The following SLC35F1 variants were observed in gnomAD, a reference collection of about 807,000 sequenced individuals.
SLC35F1 encodes chromosome 6 open reading frame 169.
Under a neutral mutation model 48.7 loss-of-function variants are expected in SLC35F1, and 14 were observed. That is an observed-to-expected ratio of 0.29 (90% CI 0.19 to 0.45). SLC35F1 has a LOEUF of 0.45. Among genes scored for constraint, SLC35F1 ranks in the 20% least tolerant of loss-of-function variants. The pLI is 1.00. For synonymous variants in SLC35F1, 190 were observed against 202.2 expected (o/e 0.94, Z 0.51); for missense variants, 404 against 500.0 (o/e 0.81, Z 1.83).
intron 1 of SLC35F1, among the ~76,000 whole-genome samples, chr6:117,942,730 A>T (rs141427625): frequency 6.6e-6 from 1 of 152,214 alleles, no homozygotes. Context: ...TAATTCTTCT[A>T]TCAGTGGTTA....
At chr6:117,999,900 A>G (rs955432500) in intron 1 of SLC35F1, among the ~76,000 whole-genome samples, 1 of 152,128 alleles carries the variant, frequency 6.6e-6, no homozygotes, top group Non-Finnish European at 1.5e-5. Context: ...CTAAACCAGG[A>G]AGAAGTTGAA....
chr6:118,315,844 A>AACAC lies in SLC35F1; in HGVS notation c.*1594_*1597dup, dbSNP rs1776430662. The AACAC allele has an allele frequency of 6.6e-6, 1 of 152,038 alleles. No homozygotes were observed. Among genetic ancestry groups the AACAC allele is most frequent in the Non-Finnish European group, 1.5e-5 (1 of 67,988 alleles). The allele number at this position is 152,038 out of a possible 1,614,324, so 9.4% of individuals were successfully genotyped here. A position where few individuals can be genotyped will look rare whatever the true frequency, so the allele number is the denominator to read the frequency against. On this transcript the variant is annotated 3_prime_UTR_variant, in exon 8 of 8. Coordinates refer to ENST00000360388, the MANE Select transcript of SLC35F1 (RefSeq NM_001029858.4). Reference sequence around the variant, plus strand: ...TGCCCTTAAAATAGCCCTTTTTTCAAACACAGGAAATTAAGAAACACCACA... The same window carrying AACAC: ...TGCCCTTAAAATAGCCCTTTTTTCAAACACACACAGGAAATTAAGAAACACCACA...
chr6:118,149,106 C>A (rs143502208), intron 1 of SLC35F1, among the ~76,000 whole-genome samples: 1 of 152,306 alleles, frequency 6.6e-6, no homozygotes, highest in South Asian at 2.1e-4. Flanking sequence ...ACATTCCCTT[C>A]TTTTCAGGAG....
At chr6:117,962,353 G>A (rs537303114) in intron 1 of SLC35F1, among the ~76,000 whole-genome samples, 19 of 152,310 alleles carry the variant, frequency 1.2e-4, no homozygotes, top group African/African-American at 4.3e-4. Context: ...GCAAGGCAGT[G>A]AGAATTATTT....
intron 1 of SLC35F1, among the ~76,000 whole-genome samples, chr6:117,990,164 AG>A (rs1776898715): frequency 6.6e-6 from 1 of 152,174 alleles, no homozygotes; most frequent in African/African-American, 2.4e-5. Context: ...AAAATATTAA[AG>A]GCATCAGGTG....
At chr6:118,121,256 T>C (rs767641671) in intron 1 of SLC35F1, among the ~76,000 whole-genome samples, 6 of 152,224 alleles carry the variant, frequency 3.9e-5, no homozygotes, top group Non-Finnish European at 5.9e-5. Context: ...TTAGAATCTG[T>C]GGTACTACTC....
At chr6:118,000,291 C>T (rs36172496) in intron 1 of SLC35F1, among the ~76,000 whole-genome samples, 47,427 of 151,844 alleles carry the variant, frequency 0.31, 7,548 homozygotes, top group Admixed American at 0.39. Flanking sequence ...AAGGCTGGTT[C>T]AATATATGCA....
At position 118,039,803 on chromosome 6, in the gene SLC35F1, T is replaced by TTTTG. The variant is rs1187494477; in HGVS notation, c.174-114639_174-114638insGTTT. The stretch of plus-strand genomic sequence containing the variant: ...ACATCTAAGCATCTCAGGATTGTTT[T>TTTTG]TTTTGTTTTTTTTTTTTGCTTCAGA... On this transcript the variant is annotated intron_variant, in intron 1 of 7. Transcript: ENST00000360388. Among the ~76,000 whole-genome samples the TTTTG allele has an allele frequency of 3.8e-4, 56 of 145,980 alleles. 2 individuals are homozygous for TTTTG. The highest frequency in any genetic ancestry group is 6.5e-4 in the Non-Finnish European group (43 of 65,722).
chr6:118,219,368 A>G (rs907384820), intron 2 of SLC35F1, among the ~76,000 whole-genome samples: 1 of 152,186 alleles, frequency 6.6e-6, no homozygotes, highest in African/African-American at 2.4e-5. Flanking sequence ...TTAAGTTACT[A>G]CTACCCAGAA....
chr6:118,309,734 A>T (rs1192937386), intron 7 of SLC35F1, among the ~76,000 whole-genome samples: 2 of 152,234 alleles, frequency 1.3e-5, no homozygotes, highest in Admixed American at 1.3e-4. Flanking sequence ...AATGCCAAAA[A>T]TAAAATGAAA....
At chr6:117,990,823 G>A (rs1481557712) in intron 1 of SLC35F1, among the ~76,000 whole-genome samples, 1 of 152,100 alleles carries the variant, frequency 6.6e-6, no homozygotes, top group South Asian at 2.1e-4. Context: ...CTCAGCTGGG[G>A]TGGCTGGTTT....
At chr6:118,206,481 T>C (rs960741274) in intron 2 of SLC35F1, among the ~76,000 whole-genome samples, 1 of 152,206 alleles carries the variant, frequency 6.6e-6, no homozygotes, top group Non-Finnish European at 1.5e-5. Flanking sequence ...AGGCAAAATT[T>C]TCAACATAAA....
At chr6:117,948,909 G>A (rs1776327350) in intron 1 of SLC35F1, among the ~76,000 whole-genome samples, 2 of 151,988 alleles carry the variant, frequency 1.3e-5, no homozygotes, top group African/African-American at 2.4e-5. Flanking sequence ...TTCCAAGCAG[G>A]GAAGCAGTAC....
At chr6:117,979,427 A>G (rs1776746459) in intron 1 of SLC35F1, among the ~76,000 whole-genome samples, 1 of 152,218 alleles carries the variant, frequency 6.6e-6, no homozygotes, top group Admixed American at 6.5e-5. Flanking sequence ...GGTATAGCTT[A>G]AGGATTGGTT....
At chr6:118,017,040 G>C (rs1355782839) in intron 1 of SLC35F1, among the ~76,000 whole-genome samples, 2 of 152,196 alleles carry the variant, frequency 1.3e-5, no homozygotes, top group Non-Finnish European at 2.9e-5. Flanking sequence ...GGAATCTCCT[G>C]TCTTTCCATC....
At position 118,238,977 on chromosome 6, in the gene SLC35F1, T is replaced by C. The variant is rs1582746492; in HGVS notation, c.477+3341T>C. Among the ~76,000 whole-genome samples, 7 of 152,058 alleles carry C rather than the reference T, an allele frequency of 4.6e-5. No homozygotes were observed. The South Asian group carries it at 1.2e-3, about 27-fold the overall frequency. ...CCCATTAAGGGAGAGGTGAGACAGA[T>C]GGATGCAGGAGGAAAAACCACAATG... is the stretch of plus-strand genomic sequence containing the variant. On this transcript the variant is annotated intron_variant, in intron 3 of 7. Transcript: ENST00000360388.
intron 1 of SLC35F1, among the ~76,000 whole-genome samples, chr6:118,065,109 A>G (rs1339159000): frequency 6.6e-6 from 1 of 152,200 alleles, no homozygotes; most frequent in Admixed American, 6.5e-5. Context: ...ACAAAGACAT[A>G]GGAGTAAAAT....
Position 118,128,854 on chromosome 6 carries a change from C to A in SLC35F1, c.174-25591C>A, listed in dbSNP as rs1582681638. Among the ~76,000 whole-genome samples the A allele has an allele frequency of 2.0e-5, 3 of 151,852 alleles. No individual in the cohort carries two copies. In the South Asian group the frequency reaches 6.3e-4, roughly 32 times the overall value. On this transcript the variant is annotated intron_variant, in intron 1 of 7. Coordinates refer to ENST00000360388, the MANE Select transcript of SLC35F1 (RefSeq NM_001029858.4). ...AAATAAATAAAAGAAAAGAAAATAA[C>A]CTGCCATATAATGAGTGCTGCACTA... is the stretch of plus-strand genomic sequence containing the variant.
chr6:118,144,803 T>C (rs1773947867), intron 1 of SLC35F1, among the ~76,000 whole-genome samples: 1 of 152,140 alleles, frequency 6.6e-6, no homozygotes, highest in South Asian at 2.1e-4. Flanking sequence ...AACATGTAAA[T>C]TGACCCTTGT....
Sources: allele counts gnomAD v4.1 joint callset (sites outside exome capture counted in the v4.1 genomes callset), GRCh38; gene constraint gnomAD v4.1.1; transcripts MANE v1.5; gene names NCBI Gene and HGNC (gene_info 2026-07-23, HGNC 2026-07-21).